The following NUDT19 variants were observed in gnomAD, a reference collection of about 807,000 sequenced individuals.
NUDT19 encodes the protein acyl-coenzyme A diphosphatase NUDT19.
NUDT19 carries 31 observed loss-of-function variants against 22.2 expected under a neutral mutation model. That is an observed-to-expected ratio of 1.40 (90% CI 1.05 to 1.89). NUDT19 has a LOEUF of 1.89. Among genes scored for constraint, NUDT19 ranks in the 40% most tolerant of loss-of-function variants. The probability of loss-of-function intolerance (pLI) is 0.00; values close to 1 mark genes in which losing one functional copy is unlikely to be tolerated. For synonymous variants in NUDT19, 325 were observed against 230.8 expected (o/e 1.41, Z -3.70); for missense variants, 752 against 514.2 (o/e 1.46, Z -4.47).
chr19:32,698,031 A>T (rs898476155), intron 1 of NUDT19, among the ~76,000 whole-genome samples: 8 of 152,152 alleles, frequency 5.3e-5, no homozygotes, highest in African/African-American at 1.9e-4. Flanking sequence ...GAGGAGGATT[A>T]TCATTAATAG....
intron 1 of NUDT19, among the ~76,000 whole-genome samples, chr19:32,707,039 G>C (rs1968394069): frequency 6.6e-6 from 1 of 152,166 alleles, no homozygotes; most frequent in South Asian, 2.1e-4. Flanking sequence ...TAGCCTCCCA[G>C]GTGGCTGTGA....
chr19:32,694,105 C>T (rs1968236435), intron 1 of NUDT19, among the ~76,000 whole-genome samples: 1 of 152,076 alleles, frequency 6.6e-6, no homozygotes, highest in South Asian at 2.1e-4. Flanking sequence ...CTAGAGGAAA[C>T]AAATTTGACA....
chr19:32,711,278 A>T (rs1599804318), intron 2 of NUDT19, among the ~76,000 whole-genome samples: 1 of 152,228 alleles, frequency 6.6e-6, no homozygotes, highest in South Asian at 2.1e-4. Context: ...AGCCTGGTAA[A>T]CATGGCGAAA....
chr19:32,692,131 G>C lies in NUDT19; in HGVS notation c.171G>C (p.Pro57=), dbSNP rs774846785. 14 of 1,474,522 alleles carry C rather than the reference G, an allele frequency of 9.5e-6. No homozygotes were observed. The highest frequency in any genetic ancestry group is 7.3e-5 in the African/African-American group (5 of 68,576). 91.3% of individuals were successfully genotyped at this position (1,474,522 alleles called of 1,614,324 possible). A position where few individuals can be genotyped will look rare whatever the true frequency, so the allele number is the denominator to read the frequency against. The change falls in exon 1 of 3, where the codon CCG becomes CCC. Residue 57 remains proline, a synonymous_variant. Transcript: ENST00000397061. The part of the protein sequence containing the change: ...LQRSPHQGFM[P]GAHVFSGGVL... ...GCTCCCCGCACCAAGGCTTCATGCC[G>C]GGCGCGCACGTCTTCTCCGGCGGAG... is the stretch of plus-strand genomic sequence containing the variant.
chr19:32,692,593 CTTT>C lies in NUDT19; in HGVS notation c.634_636del (p.Phe212del). 1 of 1,582,672 alleles carries C rather than the reference CTTT, an allele frequency of 6.3e-7. No homozygotes were observed. The highest frequency in any genetic ancestry group is 8.6e-7 in the Non-Finnish European group (1 of 1,168,524). On this transcript the variant is annotated inframe_deletion, in exon 1 of 3. Transcript: ENST00000397061. ...CTTTCTTGCGGGGCACCACTCGCCGCTTTGACACGGCCTTCTTCCTGTGCTGCC... is the reference window on the plus strand; with the variant it reads ...CTTTCTTGCGGGGCACCACTCGCCGCGACACGGCCTTCTTCCTGTGCTGCC...
At chr19:32,702,016 G>A (rs140400177) in intron 1 of NUDT19, among the ~76,000 whole-genome samples, 1,663 of 152,194 alleles carry the variant, frequency 0.011, 39 homozygotes, top group African/African-American at 0.038. Context: ...CCAGGTGTGC[G>A]GGGGTCTGTC....
rs565097497 is a variant in NUDT19, at chr19:32,697,864, C to T, written c.714+5190C>T. 7.2e-5 allele frequency among the ~76,000 whole-genome samples: 11 copies of T among 152,288 alleles called. No homozygotes were observed. In the South Asian group the frequency reaches 2.3e-3, roughly 32 times the overall value. On this transcript the variant is annotated intron_variant, in intron 1 of 2. Coordinates refer to ENST00000397061, the MANE Select transcript of NUDT19 (RefSeq NM_001105570.2). ...GCTTCCCAAGGTCTGCCTTGATCTG[C>T]TTAAAATCAGAGAGGGAGAAGGGAA... is the stretch of plus-strand genomic sequence containing the variant.
chr19:32,699,715 G>T (rs1221274063), intron 1 of NUDT19, among the ~76,000 whole-genome samples: 1 of 152,216 alleles, frequency 6.6e-6, no homozygotes, highest in African/African-American at 2.4e-5. Flanking sequence ...TCCCTTCGTG[G>T]TCACCAAAAT....
intron 1 of NUDT19, 100 bp downstream of exon 1, chr19:32,692,774 C>A: frequency 1.2e-6 from 1 of 835,346 alleles, no homozygotes; most frequent in Non-Finnish European, 1.7e-6. Flanking sequence ...ATAGGCCAAG[C>A]CCAGAGAGAT....
intron 1 of NUDT19, among the ~76,000 whole-genome samples, chr19:32,708,504 A>C (rs1198608648): frequency 1.3e-5 from 2 of 152,094 alleles, no homozygotes; most frequent in Admixed American, 6.6e-5. Context: ...ATGTCTATGG[A>C]AAGAAGGCTC....
chr19:32,703,190 G>C (rs1198502348), intron 1 of NUDT19, among the ~76,000 whole-genome samples: 1 of 151,716 alleles, frequency 6.6e-6, no homozygotes, highest in South Asian at 2.1e-4. Context: ...TAGGAGAAAC[G>C]GGTTTTCTCC....
At chr19:32,697,384 G>A (rs762428864) in intron 1 of NUDT19, among the ~76,000 whole-genome samples, 13 of 152,216 alleles carry the variant, frequency 8.5e-5, no homozygotes, top group African/African-American at 2.2e-4. Flanking sequence ...CAAGTGAGTC[G>A]GGTGACAGGG....
intron 1 of NUDT19, among the ~76,000 whole-genome samples, chr19:32,707,832 G>T (rs1183517585): frequency 6.6e-6 from 1 of 151,898 alleles, no homozygotes; most frequent in Non-Finnish European, 1.5e-5. Flanking sequence ...CAAAAAATTA[G>T]CCGGGCGTGG....
chr19:32,710,265 C>T lies in NUDT19; in HGVS notation c.922+873C>T, dbSNP rs1237866061. On this transcript the variant is annotated intron_variant, in intron 2 of 2. Coordinates refer to ENST00000397061, the MANE Select transcript of NUDT19 (RefSeq NM_001105570.2). ...CTGACCTCAGGTGATCCGCCCGCCT[C>T]AGCCTCCCCAAATTCTGGGATTATA... is the stretch of plus-strand genomic sequence containing the variant. Among the ~76,000 whole-genome samples the T allele has an allele frequency of 2.6e-5, 4 of 151,676 alleles. No individual in the cohort carries two copies. In the East Asian group the frequency reaches 5.8e-4, roughly 22 times the overall value.
intron 2 of NUDT19, among the ~76,000 whole-genome samples, chr19:32,710,158 T>C (rs932723197): frequency 5.9e-5 from 9 of 151,328 alleles, no homozygotes; most frequent in Non-Finnish European, 1.3e-4. Context: ...ATTACAGGCA[T>C]GTGCCACCAC....
At chr19:32,694,373 G>A (rs566233935) in intron 1 of NUDT19, among the ~76,000 whole-genome samples, 6 of 152,332 alleles carry the variant, frequency 3.9e-5, no homozygotes, top group African/African-American at 1.2e-4. Flanking sequence ...CTAGGCCTCG[G>A]GGGTTTTGGA....
rs780146414 is a variant in NUDT19 at position 32,709,273 on chromosome 19, C to G, written c.803C>G (p.Ala268Gly). The G allele has an allele frequency of 3.1e-6, 5 of 1,614,006 alleles. No homozygotes were observed. Among genetic ancestry groups the G allele is most frequent in the Non-Finnish European group, 4.2e-6 (5 of 1,179,994 alleles). ...PPQFYEVRRL[A>G]NFASLSDLHK... ...CAGTTCTACGAAGTGAGAAGACTTG[C>G]AAACTTTGCCTCTCTCTCTGACTTG... Residue 268 changes from alanine to glycine, a missense_variant, in exon 2 of 3, where the codon GCA (alanine) becomes GGA (glycine). Ala to Gly is a moderately conservative substitution (Grantham distance 60). Coordinates refer to ENST00000397061, the MANE Select transcript of NUDT19 (RefSeq NM_001105570.2).
At position 32,697,831 on chromosome 19, in the gene NUDT19, A is replaced by G. The variant is rs576844681; in HGVS notation, c.714+5157A>G. ...GGACATCTGTATACCTATCAAGATC[A>G]TCTGAAAGCTTCCCAAGGTCTGCCT... On this transcript the variant is annotated intron_variant, in intron 1 of 2. Transcript: ENST00000397061. Among the ~76,000 whole-genome samples the G allele has an allele frequency of 2.6e-5, 4 of 152,324 alleles. No individual in the cohort carries two copies. The East Asian group carries it at 5.8e-4, about 22-fold the overall frequency.
rs146302610 is a variant in NUDT19, at chr19:32,698,725, C to T, written c.714+6051C>T. ...AGGAGGAATGAGGAAGGTCAGATTT[C>T]GTGGCCCTTACCAACACATTCTCGA... On this transcript the variant is annotated intron_variant, in intron 1 of 2. Coordinates refer to ENST00000397061, the MANE Select transcript of NUDT19 (RefSeq NM_001105570.2). 3.3e-5 allele frequency among the ~76,000 whole-genome samples: 5 copies of T among 152,292 alleles called. No individual in the cohort carries two copies. The East Asian group carries it at 5.8e-4, about 18-fold the overall frequency.
Sources: allele counts gnomAD v4.1 joint callset (sites outside exome capture counted in the v4.1 genomes callset), GRCh38; gene constraint gnomAD v4.1.1; transcripts MANE v1.5; gene names NCBI Gene and HGNC (gene_info 2026-07-23, HGNC 2026-07-21).